TAPBP: variants seen among roughly 807,000 people sequenced by gnomAD.
The protein encoded by TAPBP is tapasin.
In TAPBP, 38 loss-of-function variants were observed where a neutral mutation model predicts 45.7. The ratio of observed to expected loss-of-function variants is 0.83; its 90% confidence interval spans 0.64 to 1.09. The LOEUF (loss-of-function observed/expected upper bound fraction) is 1.09, where lower values mean the gene tolerates loss of function less well. Among genes scored for constraint, TAPBP ranks in the 50% least tolerant of loss-of-function variants. TAPBP has a pLI of 0.00. For synonymous variants in TAPBP, 226 were observed against 254.8 expected, an observed-to-expected ratio of 0.89 and a Z score of 1.08; for missense variants, 513 against 587.3, an observed-to-expected ratio of 0.87 and a Z score of 1.31.
intron 3 of TAPBP, among the ~76,000 whole-genome samples, chr6:33,308,596 T>G (rs2150966762): frequency 6.6e-6 from 1 of 152,262 alleles, no homozygotes; most frequent in African/African-American, 2.4e-5. Flanking sequence ...CAGTTTACAT[T>G]GTCTTTCCCA....
intron 3 of TAPBP, among the ~76,000 whole-genome samples, chr6:33,308,982 C>T (rs1393126046): frequency 6.6e-6 from 1 of 151,886 alleles, no homozygotes; most frequent in African/African-American, 2.4e-5. Flanking sequence ...GCTTCTGAGG[C>T]CTATAAGGTT....
intron 3 of TAPBP, among the ~76,000 whole-genome samples, chr6:33,312,824 G>C (rs1473567201): frequency 2.6e-5 from 4 of 152,148 alleles, no homozygotes; most frequent in Non-Finnish European, 5.9e-5. Flanking sequence ...GCAAGACACA[G>C]ATCTGGGAAG....
In TAPBP at chr6:33,305,141, G is replaced by A. The variant is rs762173579; in HGVS notation, c.716C>T (p.Ala239Val). ...PAAQEGAVAF[A>V]AWDDDEPWGP... is the part of the protein sequence containing the mutation. ...CCATGGCTCATCATCATCCCAAGCA[G>A]CAAATGCCACGGCCCCTTCTTGGGC... The change falls in exon 4 of 8, where the codon GCT becomes GTT. Residue 239 changes from alanine (A) to valine (V), a missense_variant. Transcript: ENST00000434618. This position sits in a 1 kb window ranked among gnomAD's most constrained non-coding sequence, Gnocchi z 4.4. 6.2e-7 allele frequency: 1 copy of A among 1,614,180 alleles called. No individual in the cohort carries two copies. The highest frequency in any genetic ancestry group is 8.5e-7 in the Non-Finnish European group (1 of 1,180,044).
At chr6:33,303,195 G>A (rs151107729) in intron 7 of TAPBP, among the ~76,000 whole-genome samples, 3 of 152,110 alleles carry the variant, frequency 2.0e-5, no homozygotes, top group African/African-American at 7.2e-5. Flanking sequence ...GCAGCGGGCG[G>A]ATCACCTGAG....
chr6:33,301,874 G>A, intron 7 of TAPBP, 103 bp from the exon 8 acceptor site: 2 of 1,547,096 alleles, frequency 1.3e-6, no homozygotes, highest in South Asian at 1.1e-5. Flanking sequence ...ACAGATGATG[G>A]GAGAAGGATG....
intron 4 of TAPBP, 41 bp downstream of exon 4, chr6:33,304,948 G>GCCCACCCACTACCCCTGGAGA: frequency 6.2e-7 from 1 of 1,606,464 alleles, no homozygotes; most frequent in Non-Finnish European, 8.5e-7. Flanking sequence ...ACAATCCAGT[G>GCCCACCCACTACCCCTGGAGA]CCCACCCTCT....
chr6:33,308,005 T>A (rs1352928890), intron 3 of TAPBP: 3 of 152,750 alleles, frequency 2.0e-5, no homozygotes, highest in East Asian at 3.8e-4. Flanking sequence ...GACCTTTGCC[T>A]ATCTTTTAAA....
rs1212967203 is a variant in TAPBP, at chr6:33,303,984, A to T, written c.1306T>A (p.Tyr436Asn). 1 of 1,613,714 alleles carries T rather than the reference A, an allele frequency of 6.2e-7. No homozygotes were observed. Among genetic ancestry groups the T allele is most frequent in the Admixed American group, 1.7e-5 (1 of 59,952 alleles). Residue 436 changes from tyrosine (Y) to asparagine (N), a missense_variant, in exon 7 of 8, where the codon TAC (tyrosine) becomes AAC (asparagine). Coordinates refer to ENST00000434618, the MANE Select transcript of TAPBP (RefSeq NM_003190.5). Reference protein sequence around the residue: ...LFKALGWAAVYLSTCKDSKKK... With the variant: ...LFKALGWAAVNLSTCKDSKKK... Reference sequence around the variant, plus strand: ...TTTGAATCCTTGCAGGTGGACAGGTAGACAGCTGTGGGGAAAGATTGAGAA... The same window carrying T: ...TTTGAATCCTTGCAGGTGGACAGGTTGACAGCTGTGGGGAAAGATTGAGAA...
chr6:33,307,752 G>A (rs899828606), intron 3 of TAPBP, among the ~76,000 whole-genome samples: 3 of 151,998 alleles, frequency 2.0e-5, no homozygotes, highest in African/African-American at 7.3e-5. Context: ...TTATTTAACT[G>A]GTTTGTGTCC....
In TAPBP at chr6:33,301,018, G is replaced by A. The variant is rs1768535174; in HGVS notation, c.*742C>T. The A allele has an allele frequency of 6.6e-6, 1 of 151,934 alleles. No homozygotes were observed. The highest frequency in any genetic ancestry group is 6.6e-5 in the Admixed American group (1 of 15,264). The allele number at this position is 151,934 out of a possible 1,614,324, so 9.4% of individuals were successfully genotyped here. A position where few individuals can be genotyped will look rare whatever the true frequency, so the allele number is the denominator to read the frequency against. ...CTTCTTCATTCTATAAGTGTACAGT[G>A]GAGTTTTTCAGAAGCTACATGATAT... On this transcript the variant is annotated 3_prime_UTR_variant, in exon 8 of 8. Transcript: ENST00000434618.
chr6:33,305,491 T>A lies in TAPBP; in HGVS notation c.470-104A>T. On this transcript the variant is annotated intron_variant, in intron 3 of 7. Transcript: ENST00000434618. This position sits in a 1 kb window ranked among gnomAD's most constrained non-coding sequence, Gnocchi z 4.4. ...TATTGGGGAGGGCTAAACTGCAGTT[T>A]ACCCACCCCTCAGAGGACACCTTTT... 7.9e-7 allele frequency: 1 copy of A among 1,262,568 alleles called. No individual in the cohort carries two copies. Among genetic ancestry groups the A allele is most frequent in the Middle Eastern group, 2.8e-4 (1 of 3,628 alleles). 78.2% of individuals were successfully genotyped at this position (1,262,568 alleles called of 1,614,324 possible). A position where few individuals can be genotyped will look rare whatever the true frequency, so the allele number is the denominator to read the frequency against.
intron 3 of TAPBP, among the ~76,000 whole-genome samples, chr6:33,312,344 A>G (rs567861768): frequency 6.6e-6 from 1 of 152,264 alleles, no homozygotes; most frequent in Non-Finnish European, 1.5e-5. Context: ...GGGAGGGTGC[A>G]GGGATTGGTT....
chr6:33,310,546 G>A (rs1769276499), intron 3 of TAPBP, among the ~76,000 whole-genome samples: 1 of 145,940 alleles, frequency 6.9e-6, no homozygotes, highest in African/African-American at 2.5e-5. Flanking sequence ...TTGGGGCCAG[G>A]CAGCTCACAC....
intron 3 of TAPBP, among the ~76,000 whole-genome samples, chr6:33,309,298 T>C (rs936401512): frequency 6.6e-6 from 1 of 151,722 alleles, no homozygotes; most frequent in African/African-American, 2.4e-5. Context: ...GGCAGGAGAA[T>C]CACTTGAACC....
At position 33,305,329 on chromosome 6, in the gene TAPBP, A is replaced by G; in HGVS notation, c.528T>C (p.Ala176=). The change falls in exon 4 of 8, where the codon GCT becomes GCC. Residue 176 remains alanine (A), a synonymous_variant. Coordinates refer to ENST00000434618, the MANE Select transcript of TAPBP (RefSeq NM_003190.5). The surrounding 1 kb of genome is among the most constrained non-coding windows in gnomAD (Gnocchi z 4.4). ...TGTAGGCAAAGCTCAAGTCCAGCAGAGCATCTTGTCCCAGTCTCACTCGAG... is the reference window on the plus strand; with the variant it reads ...TGTAGGCAAAGCTCAAGTCCAGCAGGGCATCTTGTCCCAGTCTCACTCGAG... ...PAPRVRLGQD[A]LLDLSFAYMP... is the part of the protein sequence containing the mutation. 2 of 1,555,820 alleles carry G rather than the reference A, an allele frequency of 1.3e-6. No individual in the cohort carries two copies. The highest frequency in any genetic ancestry group is 4.5e-5 in the East Asian group (2 of 44,526).
intron 3 of TAPBP, among the ~76,000 whole-genome samples, chr6:33,308,533 T>C (rs1433984641): frequency 2.6e-5 from 4 of 152,106 alleles, no homozygotes; most frequent in Admixed American, 2.6e-4. Flanking sequence ...TTCTTGTGCC[T>C]AGTAGAAGTG....
At chr6:33,306,988 A>AAAG (rs1554277985) in intron 3 of TAPBP, among the ~76,000 whole-genome samples, 1 of 151,092 alleles carries the variant, frequency 6.6e-6, no homozygotes, top group East Asian at 2.0e-4. Flanking sequence ...CAAAAAAAAA[A>AAAG]AAAAAAATCC....
chr6:33,301,617 GA>G lies in TAPBP; in HGVS notation c.*142del, dbSNP rs879252472. 0.15 allele frequency: 74,955 copies of G among 489,744 alleles called. 1 individual carries two copies. The highest frequency in any genetic ancestry group is 0.2 in the East Asian group (4,439 of 22,646). The allele number at this position is 489,744 out of a possible 1,614,324, so 30.3% of individuals were successfully genotyped here. A position where few individuals can be genotyped will look rare whatever the true frequency, so the allele number is the denominator to read the frequency against. On this transcript the variant is annotated 3_prime_UTR_variant, in exon 8 of 8. Coordinates refer to ENST00000434618, the MANE Select transcript of TAPBP (RefSeq NM_003190.5). The stretch of plus-strand genomic sequence containing the variant: ...AAAATTATCCCTTATATAAGTGAAA[GA>G]AAAAAAAAAAAGCATTCCAGCCACT...
chr6:33,301,900 G>A lies in TAPBP; in HGVS notation c.1336-129C>T. ...GAGAAGGATGAGGCTAATATTTTCT[G>A]CCCTCCAGACACTGCTGAGTGCTGT... On this transcript the variant is annotated intron_variant, in intron 7 of 7. Coordinates refer to ENST00000434618, the MANE Select transcript of TAPBP (RefSeq NM_003190.5). The A allele has an allele frequency of 6.7e-6, 9 of 1,341,672 alleles. No individual in the cohort carries two copies. The Admixed American group carries it at 7.4e-5, about 11-fold the overall frequency. 83.1% of individuals were successfully genotyped at this position (1,341,672 alleles called of 1,614,324 possible).
Sources: allele counts gnomAD v4.1 joint callset (sites outside exome capture counted in the v4.1 genomes callset), GRCh38; gene constraint gnomAD v4.1.1; non-coding constraint Gnocchi (gnomAD v3.1); transcripts MANE v1.5; gene names NCBI Gene and HGNC (gene_info 2026-07-23, HGNC 2026-07-21).